Variants in NRXN1 observed in about 807,000 individuals in gnomAD.
NRXN1 encodes the protein neurexin 1, also known as neurexin-1.
Under a neutral mutation model 150.9 loss-of-function variants are expected in NRXN1, and 39 were observed. The observed-to-expected ratio is 0.26, with a 90% CI of 0.20 to 0.34. NRXN1 has a LOEUF of 0.34. NRXN1 is among the 10% of genes least tolerant of loss of function. The pLI is 1.00. For missense variants in NRXN1, 1,815 were observed against 1,949.9 expected, an observed-to-expected ratio of 0.93 and a Z score of 1.30; for synonymous variants, 924 against 757.0, an observed-to-expected ratio of 1.22 and a Z score of -3.62.
intron 8 of NRXN1, among the ~76,000 whole-genome samples, chr2:50,617,226 T>C (rs1230997219): frequency 6.6e-6 from 1 of 151,832 alleles, no homozygotes; most frequent in African/African-American, 2.4e-5. Flanking sequence ...TTGAGGTCAG[T>C]AGTTCAAGAC....
At chr2:50,890,618 C>A (rs1198403076) in intron 5 of NRXN1, among the ~76,000 whole-genome samples, 4 of 151,656 alleles carry the variant, frequency 2.6e-5, no homozygotes, top group Non-Finnish European at 2.9e-5. Flanking sequence ...TGTCAGACTA[C>A]GTTAAGTATG....
At chr2:50,110,173 C>T (rs956093918) in intron 18 of NRXN1, among the ~76,000 whole-genome samples, 1 of 152,094 alleles carries the variant, frequency 6.6e-6, no homozygotes, top group African/African-American at 2.4e-5. Context: ...AGAACATCAG[C>T]TATCCCTCCC....
At chr2:50,227,160 G>C in intron 18 of NRXN1, among the ~76,000 whole-genome samples, 1 of 91,432 alleles carries the variant, frequency 1.1e-5, no homozygotes, top group South Asian at 3.1e-4. Context: ...ACACAAAGAC[G>C]GGAAAAAAAA....
chr2:49,928,747 A>G (rs576243533), intron 22 of NRXN1, among the ~76,000 whole-genome samples: 8 of 152,194 alleles, frequency 5.3e-5, no homozygotes, highest in Non-Finnish European at 7.3e-5. Flanking sequence ...CATTTGTAGG[A>G]AAGCAGGGAC....
intron 10 of NRXN1, among the ~76,000 whole-genome samples, chr2:50,536,231 C>T (rs539656211): frequency 6.6e-6 from 1 of 152,264 alleles, no homozygotes; most frequent in African/African-American, 2.4e-5. Flanking sequence ...TTCTGAAAAG[C>T]AAAGGACTCA....
chr2:50,823,984 C>G (rs68025438), intron 5 of NRXN1, among the ~76,000 whole-genome samples: 13,572 of 152,190 alleles, frequency 0.089, 718 homozygotes, highest in Admixed American at 0.092. Context: ...TTATCCCCAA[C>G]AATGCCTCAC....
At chr2:50,212,838 C>G (rs957897733) in intron 18 of NRXN1, among the ~76,000 whole-genome samples, 1 of 151,908 alleles carries the variant, frequency 6.6e-6, no homozygotes, top group Non-Finnish European at 1.5e-5. Context: ...CAAATGTGAA[C>G]TGATATTTCT....
chr2:50,224,012 T>C (rs1199218895), intron 18 of NRXN1, among the ~76,000 whole-genome samples: 1 of 151,964 alleles, frequency 6.6e-6, no homozygotes, highest in African/African-American at 2.4e-5. Flanking sequence ...TTGTACCCAT[T>C]AAGAGACTTA....
At chr2:50,641,377 T>C (rs996173327) in intron 5 of NRXN1, among the ~76,000 whole-genome samples, 2 of 152,026 alleles carry the variant, frequency 1.3e-5, no homozygotes, top group African/African-American at 2.4e-5. Context: ...TGAGAGAAAA[T>C]GGAAGAGTGG....
intron 21 of NRXN1, among the ~76,000 whole-genome samples, chr2:49,967,113 C>A (rs906122198): frequency 6.6e-6 from 1 of 151,900 alleles, no homozygotes; most frequent in African/African-American, 2.4e-5. Flanking sequence ...ATCTATGACA[C>A]AAAAACTGTA....
chr2:50,893,322 A>G (rs1681377297), intron 5 of NRXN1, among the ~76,000 whole-genome samples: 1 of 152,162 alleles, frequency 6.6e-6, no homozygotes, highest in Admixed American at 6.5e-5. Flanking sequence ...CCACAAAAGG[A>G]CAGACAATTA....
chr2:50,920,038 C>A, intron 5 of NRXN1: 1 of 376,844 alleles, frequency 2.7e-6, no homozygotes, highest in Non-Finnish European at 5.8e-6. Context: ...AATCACCTTT[C>A]TCATTTCTCT....
chr2:50,153,957 T>C (rs2058855726), intron 18 of NRXN1, among the ~76,000 whole-genome samples: 1 of 151,724 alleles, frequency 6.6e-6, no homozygotes, highest in Non-Finnish European at 1.5e-5. Context: ...TAACACAGTA[T>C]GGGGAGTAGA....
At chr2:50,067,437 A>G (rs1695535327) in intron 19 of NRXN1, among the ~76,000 whole-genome samples, 1 of 152,200 alleles carries the variant, frequency 6.6e-6, no homozygotes, top group African/African-American at 2.4e-5. Context: ...GTGTGGAATG[A>G]ACAGTGATTT....
intron 15 of NRXN1, among the ~76,000 whole-genome samples, chr2:50,481,056 T>C (rs956452753): frequency 3.3e-5 from 5 of 152,222 alleles, no homozygotes; most frequent in Non-Finnish European, 5.9e-5. Flanking sequence ...TTATCAGGGA[T>C]ACATGTTACA....
At position 49,921,778 on chromosome 2, in the gene NRXN1, G is replaced by C; in HGVS notation, c.*166C>G. 2 of 709,160 alleles carry C rather than the reference G, an allele frequency of 2.8e-6. No individual in the cohort carries two copies. Among genetic ancestry groups the C allele is most frequent in the Admixed American group, 3.2e-5 (1 of 31,312 alleles). 43.9% of individuals were successfully genotyped at this position (709,160 alleles called of 1,614,324 possible). On this transcript the variant is annotated 3_prime_UTR_variant, in exon 23 of 23. Coordinates refer to ENST00000401669, the MANE Select transcript of NRXN1 (RefSeq NM_001330078.2). The stretch of plus-strand genomic sequence containing the variant: ...TTTGTTTTTCTTTTTTGAGAAACAA[G>C]AGCATGAGATACTTGTTTTTATTTT...
intron 22 of NRXN1, among the ~76,000 whole-genome samples, chr2:49,940,155 G>C (rs898118082): frequency 7.9e-5 from 12 of 152,116 alleles, no homozygotes; most frequent in Admixed American, 7.2e-4. Context: ...TACTTAGGGA[G>C]AGTGAGGTAC....
chr2:50,665,501 C>A (rs1329583521), intron 5 of NRXN1, among the ~76,000 whole-genome samples: 1 of 151,820 alleles, frequency 6.6e-6, no homozygotes, highest in Non-Finnish European at 1.5e-5. Context: ...TATTGGCAAT[C>A]CCCTCAACTG....
intron 21 of NRXN1, among the ~76,000 whole-genome samples, chr2:50,026,991 T>C (rs12713083): frequency 0.87 from 130,582 of 150,506 alleles, 56,777 homozygotes; most frequent in African/African-American, 0.92. Flanking sequence ...AAGCGATTCT[T>C]CTGCTTCAGC....
Sources: allele counts gnomAD v4.1 joint callset (sites outside exome capture counted in the v4.1 genomes callset), GRCh38; gene constraint gnomAD v4.1.1; transcripts MANE v1.5; gene names NCBI Gene and HGNC (gene_info 2026-07-23, HGNC 2026-07-21).